MTR: variants seen among roughly 807,000 people sequenced by gnomAD.
MTR encodes 5-methyltetrahydrofolate-homocysteine methyltransferase.
MTR carries 84 observed loss-of-function variants against 154.8 expected under a neutral mutation model. The ratio of observed to expected loss-of-function variants is 0.54; its 90% CI spans 0.45 to 0.65. MTR has a LOEUF of 0.65. MTR is among the 30% of genes least tolerant of loss of function. The pLI, the probability that MTR is intolerant of heterozygous loss-of-function variation, is 0.00. For synonymous variants in MTR, 554 were observed against 553.9 expected, an observed-to-expected ratio of 1.00 and a Z score of 0.00; for missense variants, 1,275 against 1,570.2, an observed-to-expected ratio of 0.81 and a Z score of 3.18.
In MTR at chr1:236,795,377, T is replaced by G; in HGVS notation, c.-327T>G. On this transcript the variant is annotated 5_prime_UTR_variant, in exon 1 of 33. Transcript: ENST00000366577. ...TCGTCCTCCTCTGCCGGTTTTCTCT[T>G]GGGTCCTTTTCCGTGCCGTCCCGCG... 7.2e-7 allele frequency: 1 copy of G among 1,391,728 alleles called. No homozygotes were observed. The highest frequency in any genetic ancestry group is 9.5e-7 in the Non-Finnish European group (1 of 1,054,808). 86.2% of individuals were successfully genotyped at this position (1,391,728 alleles called of 1,614,324 possible).
intron 15 of MTR, among the ~76,000 whole-genome samples, chr1:236,839,093 C>T (rs1663080132): frequency 6.6e-6 from 1 of 152,104 alleles, no homozygotes; most frequent in Admixed American, 6.5e-5. Context: ...CTTAAGTGTC[C>T]TTATGTGGTC....
At chr1:236,831,520 C>T (rs1662610741) in intron 12 of MTR, among the ~76,000 whole-genome samples, 1 of 152,154 alleles carries the variant, frequency 6.6e-6, no homozygotes, top group Admixed American at 6.6e-5. Context: ...ATGTTGTAAA[C>T]ACACCATTGG....
chr1:236,795,481 C>T lies in MTR; in HGVS notation c.-223C>T, dbSNP rs777547673. 4.5e-5 allele frequency: 68 copies of T among 1,513,742 alleles called. No homozygotes were observed. Among genetic ancestry groups the T allele is most frequent in the Non-Finnish European group, 2.0e-5 (23 of 1,132,366 alleles). The allele number at this position is 1,513,742 out of a possible 1,614,324, so 93.8% of individuals were successfully genotyped here. A position where few individuals can be genotyped will look rare whatever the true frequency, so the allele number is the denominator to read the frequency against. On this transcript the variant is annotated 5_prime_UTR_variant, in exon 1 of 33. Transcript: ENST00000366577. ...CGGGTACCCGGGAAGAAAGCACGTG[C>T]TCCAGCAGTTGCCGCGCCCAGCCCC...
In MTR at chr1:236,861,250, T is replaced by C; in HGVS notation, c.2169T>C (p.Phe723=). The C allele has an allele frequency of 2.5e-6, 4 of 1,613,996 alleles. No individual in the cohort carries two copies. In the South Asian group the frequency reaches 4.4e-5, roughly 18 times the overall value. ...MNGMKIVGDL[F]GAGKMFLPQV... is the part of the protein sequence containing the mutation. ...GAATGAAAATTGTTGGTGATCTTTTTGGAGCTGGAAAAATGTTTCTACCTC... is the reference window on the plus strand; with the variant it reads ...GAATGAAAATTGTTGGTGATCTTTTCGGAGCTGGAAAAATGTTTCTACCTC... Residue 723 remains phenylalanine (F), a synonymous_variant, in exon 20 of 33, where the codon TTT becomes TTC. Coordinates refer to ENST00000366577, the MANE Select transcript of MTR (RefSeq NM_000254.3).
intron 15 of MTR, among the ~76,000 whole-genome samples, chr1:236,846,569 A>G (rs560416269): frequency 6.6e-6 from 1 of 152,336 alleles, no homozygotes; most frequent in South Asian, 2.1e-4. Flanking sequence ...AACCTGGAAA[A>G]TAACAAGGAA....
chr1:236,855,969 T>C (rs1169221998), intron 18 of MTR, among the ~76,000 whole-genome samples: 1 of 152,246 alleles, frequency 6.6e-6, no homozygotes, highest in Non-Finnish European at 1.5e-5. Flanking sequence ...CTGTACTGTT[T>C]CATTTTAAGT....
Position 236,832,081 on chromosome 1 carries a change from G to T in MTR, c.1188+3G>T. On this transcript the variant is annotated splice_donor_region_variant and intron_variant, in intron 13 of 32. Coordinates refer to ENST00000366577, the MANE Select transcript of MTR (RefSeq NM_000254.3). ...TCATCATGGCAGGAAACTATGAAGT[G>T]AGCATCTTAATAAGACCCCTGAGGC... is the stretch of plus-strand genomic sequence containing the variant. 1 of 1,609,294 alleles carries T rather than the reference G, an allele frequency of 6.2e-7. No homozygotes were observed. Among genetic ancestry groups the T allele is most frequent in the South Asian group, 1.1e-5 (1 of 90,930 alleles).
At chr1:236,812,974 T>C in intron 6 of MTR, 130 bp downstream of exon 6, 1 of 774,494 alleles carries the variant, frequency 1.3e-6, no homozygotes. Flanking sequence ...CATTTTATTC[T>C]TGAGTATTTT....
At chr1:236,860,232 C>G (rs1664457626) in intron 19 of MTR, among the ~76,000 whole-genome samples, 2 of 152,060 alleles carry the variant, frequency 1.3e-5, no homozygotes, top group East Asian at 3.9e-4. Flanking sequence ...AAGAATATTC[C>G]TTCCCAAGTG....
At chr1:236,828,803 A>G (rs1662444612) in intron 11 of MTR, among the ~76,000 whole-genome samples, 1 of 151,850 alleles carries the variant, frequency 6.6e-6, no homozygotes, top group African/African-American at 2.4e-5. Context: ...TCAAATTTTG[A>G]GTAGGAAGCA....
At chr1:236,876,177 G>T (rs796223284) in intron 24 of MTR, among the ~76,000 whole-genome samples, 3 of 152,354 alleles carry the variant, frequency 2.0e-5, no homozygotes, top group African/African-American at 4.8e-5. Context: ...GCCTAGCCAA[G>T]TTTATACGTG....
At chr1:236,887,048 C>T (rs149325725) in intron 27 of MTR, among the ~76,000 whole-genome samples, 8 of 152,184 alleles carry the variant, frequency 5.3e-5, no homozygotes, top group African/African-American at 1.4e-4. Context: ...GGGAATAAAA[C>T]GTGTAAGATG....
intron 8 of MTR, among the ~76,000 whole-genome samples, chr1:236,822,303 G>GTT (rs1198665229): frequency 3.5e-5 from 4 of 115,240 alleles, no homozygotes; most frequent in African/African-American, 5.8e-5. Context: ...GTTTTGTGGG[G>GTT]TTTTTTTTGT....
At chr1:236,811,772 G>A in intron 5 of MTR, 1 of 440,918 alleles carries the variant, frequency 2.3e-6, no homozygotes, top group Non-Finnish European at 4.6e-6. Context: ...TGCATAGCAG[G>A]CCCTCAAATA....
Position 236,885,254 on chromosome 1 carries a change from A to C in MTR, c.2775+35A>C, listed in dbSNP as rs765460592. On this transcript the variant is annotated intron_variant, in intron 26 of 32. Coordinates refer to ENST00000366577, the MANE Select transcript of MTR (RefSeq NM_000254.3). Reference sequence around the variant, plus strand: ...AGAAACAGATTTTTGCTTGTTTTTAATGTGACTGTTTTTTATGATCCTAGT... The same window carrying C: ...AGAAACAGATTTTTGCTTGTTTTTACTGTGACTGTTTTTTATGATCCTAGT... The C allele has an allele frequency of 6.7e-6, 9 of 1,342,176 alleles. 1 individual carries two copies. The South Asian group carries it at 1.1e-4, about 16-fold the overall frequency. 83.1% of individuals were successfully genotyped at this position (1,342,176 alleles called of 1,614,324 possible).
rs3768161 is a variant in MTR at position 236,900,784 on chromosome 1, G to A, written c.*3140G>A. 8,945 of 152,558 alleles carry A rather than the reference G, an allele frequency of 0.059. 503 individuals are homozygous for A. Among genetic ancestry groups the A allele is most frequent in the African/African-American group, 0.14 (6,010 of 41,502 alleles). 9.5% of individuals were successfully genotyped at this position (152,558 alleles called of 1,614,324 possible). A position where few individuals can be genotyped will look rare whatever the true frequency, so the allele number is the denominator to read the frequency against. ...TAGAAAGGTGAGGGGCAGGAGAGTGGTGCATCCTTGCTGCTGCCAGCAGTG... is the reference window on the plus strand; with the variant it reads ...TAGAAAGGTGAGGGGCAGGAGAGTGATGCATCCTTGCTGCTGCCAGCAGTG... On this transcript the variant is annotated 3_prime_UTR_variant, in exon 33 of 33. Transcript: ENST00000366577.
chr1:236,866,758 G>C (rs1029701083), intron 22 of MTR, among the ~76,000 whole-genome samples: 4 of 152,206 alleles, frequency 2.6e-5, no homozygotes, highest in Non-Finnish European at 5.9e-5. Flanking sequence ...AGGAAAGTTT[G>C]AGTGGTCTGG....
chr1:236,872,771 C>T (rs75401626), intron 22 of MTR, among the ~76,000 whole-genome samples: 4,978 of 152,148 alleles, frequency 0.033, 259 homozygotes, highest in African/African-American at 0.11. Flanking sequence ...CAAAGGAAGC[C>T]GAGGTGGGAG....
chr1:236,858,485 G>A (rs1400929034), intron 18 of MTR, among the ~76,000 whole-genome samples: 1 of 152,154 alleles, frequency 6.6e-6, no homozygotes, highest in African/African-American at 2.4e-5. Flanking sequence ...GCATTGGATG[G>A]CATGGTAAGG....
Sources: gnomAD v4.1 joint callset for allele counts (sites outside exome capture counted in the v4.1 genomes callset) on GRCh38, gnomAD v4.1.1 for gene constraint, MANE v1.5 for transcripts, NCBI Gene and HGNC (gene_info 2026-07-23, HGNC 2026-07-21) for gene names.